CLOCK: variants seen among roughly 807,000 people sequenced by gnomAD.
The protein encoded by CLOCK is clock circadian regulator, also known as circadian locomoter output cycles protein kaput.
A neutral mutation model predicts 118.4 loss-of-function variants in CLOCK; 43 were observed. The observed-to-expected ratio is 0.36, with a 90% CI of 0.28 to 0.47. The LOEUF (loss-of-function observed/expected upper bound fraction) is 0.47. Ranked by LOEUF, CLOCK falls within the 20% of genes least tolerant of loss-of-function variation. The probability of loss-of-function intolerance (pLI) is 1.00; values close to 1 mark genes in which losing one functional copy is unlikely to be tolerated. For synonymous variants in CLOCK, 326 were observed against 339.2 expected, an observed-to-expected ratio of 0.96 and a Z score of 0.43; for missense variants, 846 against 999.9, an observed-to-expected ratio of 0.85 and a Z score of 2.08.
At chr4:55,497,775 A>G (rs186718725) in intron 2 of CLOCK, among the ~76,000 whole-genome samples, 1 of 152,320 alleles carries the variant, frequency 6.6e-6, no homozygotes, top group Non-Finnish European at 1.5e-5. Flanking sequence ...AAATCTGTCA[A>G]TGTCCAAATG....
chr4:55,496,987 G>A (rs1728124387), intron 2 of CLOCK, among the ~76,000 whole-genome samples: 1 of 152,146 alleles, frequency 6.6e-6, no homozygotes. Flanking sequence ...TGTTATTAGT[G>A]AAAAACTGAA....
chr4:55,540,595 G>A, intron 1 of CLOCK: 1 of 152,128 alleles, frequency 6.6e-6, no homozygotes, highest in East Asian at 1.9e-4. Flanking sequence ...TTTGGACCTT[G>A]AGAGCTTGCT....
At chr4:55,449,657 TTCTA>T (rs534862445) in intron 16 of CLOCK, among the ~76,000 whole-genome samples, 161 bp from the exon 17 acceptor site, 54 of 152,240 alleles carry the variant, frequency 3.5e-4, no homozygotes, top group Non-Finnish European at 6.6e-4. Flanking sequence ...ATGTAGTTAC[TTCTA>T]TCTTTTTATG....
At chr4:55,545,400 T>C (rs188883465) in intron 1 of CLOCK, 8 of 152,348 alleles carry the variant, frequency 5.3e-5, no homozygotes, top group African/African-American at 1.9e-4. Context: ...TGCACAATTT[T>C]CTCTAATCGC....
rs899551595 is a variant in CLOCK, at chr4:55,444,859, A to G, written c.1540-74T>C. 15 of 1,459,204 alleles carry G rather than the reference A, an allele frequency of 1.0e-5. 1 individual carries two copies. The Admixed American group carries it at 1.3e-4, about 13-fold the overall frequency. The allele number at this position is 1,459,204 out of a possible 1,614,324, so 90.4% of individuals were successfully genotyped here. On this transcript the variant is annotated intron_variant, in intron 18 of 22. Transcript: ENST00000513440. ...CTCCTTATAATTGCACAACATGAAA[A>G]GTAAGCAGTATAACATGAGTGAAGG...
At chr4:55,450,258 T>C in intron 15 of CLOCK, 26 bp from the exon 16 acceptor site, 1 of 1,613,608 alleles carries the variant, frequency 6.2e-7, no homozygotes, top group Non-Finnish European at 8.5e-7. Context: ...AAAATAAATG[T>C]TTTCTTGTGG....
In CLOCK at chr4:55,452,895, AAAT is replaced by A. The variant is rs1254679581; in HGVS notation, c.1206+156_1206+158del. The A allele has an allele frequency of 7.1e-6, 4 of 563,694 alleles. No individual in the cohort carries two copies. In the Admixed American group the frequency reaches 1.3e-4, roughly 18 times the overall value. The allele number at this position is 563,694 out of a possible 1,614,324, so 34.9% of individuals were successfully genotyped here. A position where few individuals can be genotyped will look rare whatever the true frequency, so the allele number is the denominator to read the frequency against. On this transcript the variant is annotated intron_variant, in intron 15 of 22. Transcript: ENST00000513440. The stretch of plus-strand genomic sequence containing the variant: ...CTTTTTAGAGGCAGGTGAGACTCTA[AAAT>A]ATTAAATTAAAAATAAGTAGTAAAG...
intron 4 of CLOCK, 66 bp from the exon 5 acceptor site, chr4:55,479,765 T>G (rs1577761949): frequency 7.9e-7 from 1 of 1,259,218 alleles, no homozygotes; most frequent in East Asian, 2.3e-5. Flanking sequence ...TAAAGTGACA[T>G]GTAAATCAAC....
At chr4:55,538,143 C>G (rs1490172280) in intron 1 of CLOCK, among the ~76,000 whole-genome samples, 2 of 152,098 alleles carry the variant, frequency 1.3e-5, no homozygotes, top group African/African-American at 4.8e-5. Flanking sequence ...ACACTTTCTA[C>G]AGATATTAAA....
chr4:55,511,790 A>G (rs1729163858), intron 1 of CLOCK, among the ~76,000 whole-genome samples: 1 of 151,946 alleles, frequency 6.6e-6, no homozygotes, highest in African/African-American at 2.4e-5. Flanking sequence ...CCCCTACACC[A>G]CATTCATTTT....
intron 1 of CLOCK, among the ~76,000 whole-genome samples, chr4:55,519,796 A>G (rs1277218696): frequency 1.3e-5 from 2 of 152,072 alleles, no homozygotes; most frequent in Non-Finnish European, 2.9e-5. Context: ...AAAAATAAAA[A>G]TAAAAATAAA....
At chr4:55,476,812 T>C (rs1325660074) in intron 6 of CLOCK, among the ~76,000 whole-genome samples, 1 of 152,154 alleles carries the variant, frequency 6.6e-6, no homozygotes. Context: ...TTCTATTTTT[T>C]AATGTAGACA....
At chr4:55,522,550 C>T (rs1729912315) in intron 1 of CLOCK, among the ~76,000 whole-genome samples, 1 of 151,262 alleles carries the variant, frequency 6.6e-6, no homozygotes, top group Non-Finnish European at 1.5e-5. Context: ...AGAAAACATG[C>T]TAAACTTTAT....
chr4:55,482,434 A>G (rs1198614633), intron 4 of CLOCK, among the ~76,000 whole-genome samples: 1 of 152,232 alleles, frequency 6.6e-6, no homozygotes, highest in Non-Finnish European at 1.5e-5. Context: ...GGACTCCAGA[A>G]GGTTCCAAGG....
intron 3 of CLOCK, 27 bp from the exon 4 acceptor site, chr4:55,482,855 C>T: frequency 9.1e-7 from 1 of 1,096,446 alleles, no homozygotes; most frequent in Non-Finnish European, 1.4e-6. Flanking sequence ...AATAAATGGT[C>T]ATTAGTTTTC....
At chr4:55,438,676 T>C in intron 21 of CLOCK, 139 bp from the exon 22 acceptor site, 2 of 1,281,986 alleles carry the variant, frequency 1.6e-6, no homozygotes, top group Non-Finnish European at 2.1e-6. Flanking sequence ...TATTCCTACT[T>C]TGTTTCATTT....
At chr4:55,439,701 G>A (rs1040626071) in intron 21 of CLOCK, among the ~76,000 whole-genome samples, 1 of 152,146 alleles carries the variant, frequency 6.6e-6, no homozygotes, top group Non-Finnish European at 1.5e-5. Flanking sequence ...TCTGACAATT[G>A]CTGTAACATG....
chr4:55,437,118 TA>T (rs1376273761), intron 22 of CLOCK, among the ~76,000 whole-genome samples: 3 of 152,204 alleles, frequency 2.0e-5, no homozygotes, highest in African/African-American at 7.2e-5. Context: ...AGCATAGGCT[TA>T]AGGTCTAAAA....
At chr4:55,469,834 G>GA (rs1726006406) in intron 8 of CLOCK, among the ~76,000 whole-genome samples, 1 of 152,004 alleles carries the variant, frequency 6.6e-6, no homozygotes, top group African/African-American at 2.4e-5. Context: ...AGAGCCTCCG[G>GA]ATTAACTGGG....
Sources: gnomAD v4.1 joint callset for allele counts (sites outside exome capture counted in the v4.1 genomes callset) on GRCh38, gnomAD v4.1.1 for gene constraint, MANE v1.5 for transcripts, NCBI Gene and HGNC (gene_info 2026-07-23, HGNC 2026-07-21) for gene names.